The following ARHGAP19 variants were observed in gnomAD, a reference collection of about 807,000 sequenced individuals.
The protein encoded by ARHGAP19 is Rho GTPase activating protein 19, also known as rho GTPase-activating protein 19.
Under a neutral mutation model 60.9 loss-of-function variants are expected in ARHGAP19, and 48 were observed. The observed-to-expected ratio is 0.79, with a 90% confidence interval of 0.62 to 1.00. The LOEUF (loss-of-function observed/expected upper bound fraction) is 1.00, where lower values mean the gene tolerates loss of function less well. Ranked by LOEUF, ARHGAP19 falls within the 50% of genes least tolerant of loss-of-function variation. The pLI is 0.00. For missense variants in ARHGAP19, 562 were observed against 597.2 expected, an observed-to-expected ratio of 0.94 and a Z score of 0.61; for synonymous variants, 209 against 215.5, an observed-to-expected ratio of 0.97 and a Z score of 0.27.
chr10:97,249,855 G>A (rs948793613), intron 6 of ARHGAP19, among the ~76,000 whole-genome samples: 1 of 144,426 alleles, frequency 6.9e-6, no homozygotes. Context: ...CTGGAGTGCA[G>A]TGGCATAATC....
At position 97,259,474 on chromosome 10, in the gene ARHGAP19, T is replaced by C; in HGVS notation, c.768A>G (p.Lys256=). Reference sequence around the variant, plus strand: ...AGGCTGACATCTTGTTCTTGTCTTGTTTCTTTGCTGTCTGGTATAGGAGAT... The same window carrying C: ...AGGCTGACATCTTGTTCTTGTCTTGCTTCTTTGCTGTCTGGTATAGGAGAT... ...LLDLLYQTAK[K]QDKNKMSAYN... is the part of the protein sequence containing the mutation. The change falls in exon 5 of 12, where the codon AAA becomes AAG. Residue 256 remains lysine (K), a synonymous_variant. Transcript: ENST00000358531. The C allele has an allele frequency of 2.5e-6, 4 of 1,614,212 alleles. No homozygotes were observed. Among genetic ancestry groups the C allele is most frequent in the Non-Finnish European group, 3.4e-6 (4 of 1,180,042 alleles).
Position 97,259,471 on chromosome 10 carries a change from T to C in ARHGAP19, c.771A>G (p.Gln257=). The part of the protein sequence containing the change: ...LDLLYQTAKK[Q]DKNKMSAYNL... ...TATAGGCTGACATCTTGTTCTTGTCTTGTTTCTTTGCTGTCTGGTATAGGA... is the reference window on the plus strand; with the variant it reads ...TATAGGCTGACATCTTGTTCTTGTCCTGTTTCTTTGCTGTCTGGTATAGGA... Residue 257 remains glutamine, a synonymous_variant, in exon 5 of 12, where the codon CAA becomes CAG. Coordinates refer to ENST00000358531, the MANE Select transcript of ARHGAP19 (RefSeq NM_032900.6). The C allele has an allele frequency of 6.2e-7, 1 of 1,614,216 alleles. No individual in the cohort carries two copies. Among genetic ancestry groups the C allele is most frequent in the Non-Finnish European group, 8.5e-7 (1 of 1,180,044 alleles).
intron 1 of ARHGAP19, among the ~76,000 whole-genome samples, chr10:97,284,949 C>T (rs369638652): frequency 6.6e-6 from 1 of 150,428 alleles, no homozygotes; most frequent in East Asian, 1.9e-4. Flanking sequence ...CCACAACCTC[C>T]GCCTCCCAGG....
At chr10:97,252,447 C>T (rs547330272) in intron 6 of ARHGAP19, among the ~76,000 whole-genome samples, 1 of 150,670 alleles carries the variant, frequency 6.6e-6, no homozygotes, top group African/African-American at 2.5e-5. Context: ...ATGGTGAAAC[C>T]CCGTCTCTAC....
intron 1 of ARHGAP19, among the ~76,000 whole-genome samples, chr10:97,289,039 G>C (rs548056684): frequency 4.0e-5 from 6 of 150,446 alleles, no homozygotes; most frequent in African/African-American, 1.5e-4. Context: ...GGATGGTCTC[G>C]ATCTCCTGAC....
intron 2 of ARHGAP19, among the ~76,000 whole-genome samples, chr10:97,265,190 G>A (rs1178968521): frequency 6.6e-6 from 1 of 152,082 alleles, no homozygotes; most frequent in Non-Finnish European, 1.5e-5. Context: ...TATCTAGCGT[G>A]TTAGTATTTA....
chr10:97,236,686 A>G (rs891852035), intron 8 of ARHGAP19, among the ~76,000 whole-genome samples: 1 of 151,372 alleles, frequency 6.6e-6, no homozygotes, highest in Non-Finnish European at 1.5e-5. Context: ...GTACATCTGT[A>G]GTCTCAGCTA....
intron 2 of ARHGAP19, chr10:97,265,658 C>T: frequency 1.7e-6 from 1 of 588,208 alleles, no homozygotes; most frequent in Non-Finnish European, 2.8e-6. Context: ...AAAATATTTG[C>T]TTTAGTTTAA....
intron 6 of ARHGAP19, among the ~76,000 whole-genome samples, chr10:97,249,792 T>C (rs781741305): frequency 8.7e-4 from 123 of 141,174 alleles, no homozygotes; most frequent in Non-Finnish European, 1.4e-3. Context: ...AATAGTAGTG[T>C]GATTCTTTTT....
chr10:97,267,085 C>T (rs1842907818), intron 1 of ARHGAP19, among the ~76,000 whole-genome samples: 2 of 152,172 alleles, frequency 1.3e-5, no homozygotes, highest in South Asian at 4.1e-4. Flanking sequence ...TCCCTTCTGC[C>T]TATAAGCCTG....
chr10:97,287,849 G>C (rs1221507062), intron 1 of ARHGAP19, among the ~76,000 whole-genome samples: 1 of 152,084 alleles, frequency 6.6e-6, no homozygotes, highest in African/African-American at 2.4e-5. Flanking sequence ...GATCACCTGA[G>C]GTCGGGAGTT....
chr10:97,280,797 C>T lies in ARHGAP19; in HGVS notation c.56+11775G>A, dbSNP rs529144935. On this transcript the variant is annotated intron_variant, in intron 1 of 11. Transcript: ENST00000358531. ...CCAGGGTCTCACTATGTTGACCACA[C>T]TAGTCTCAAACTCCTGGCCTCAAGC... Among the ~76,000 whole-genome samples, 248 of 152,220 alleles carry T rather than the reference C, an allele frequency of 1.6e-3. 2 individuals carry two copies. The highest frequency in any genetic ancestry group is 2.9e-3 in the Non-Finnish European group (198 of 68,006).
chr10:97,248,455 AG>A (rs1181838930), intron 6 of ARHGAP19, among the ~76,000 whole-genome samples: 3 of 152,146 alleles, frequency 2.0e-5, no homozygotes, highest in African/African-American at 7.2e-5. Context: ...TAAGAAAAAA[AG>A]AAATACAAAT....
rs1369646953 is a variant in ARHGAP19 at position 97,223,093 on chromosome 10, A to T, written c.*3029T>A. On this transcript the variant is annotated 3_prime_UTR_variant, in exon 12 of 12. Transcript: ENST00000358531. The stretch of plus-strand genomic sequence containing the variant: ...GACTGCTTCCTTACAGGTCAACAGA[A>T]CAGATACCTCCGGAGCACCCAGGTG... The T allele has an allele frequency of 6.6e-6, 1 of 152,212 alleles. No homozygotes were observed. Among genetic ancestry groups the T allele is most frequent in the African/African-American group, 2.4e-5 (1 of 41,436 alleles). 9.4% of individuals were successfully genotyped at this position (152,212 alleles called of 1,614,324 possible).
chr10:97,270,371 C>A (rs139634379), intron 1 of ARHGAP19, among the ~76,000 whole-genome samples: 6 of 152,254 alleles, frequency 3.9e-5, no homozygotes, highest in African/African-American at 1.4e-4. Context: ...AGAGTTACAG[C>A]GGGTTATTTT....
intron 1 of ARHGAP19, among the ~76,000 whole-genome samples, chr10:97,273,243 ACC>A (rs1842982349): frequency 7.9e-5 from 12 of 151,384 alleles, no homozygotes; most frequent in Admixed American, 7.2e-4. Context: ...GCTCACTGCA[ACC>A]TCCACCTCCC....
At chr10:97,236,203 C>T (rs968627233) in intron 8 of ARHGAP19, among the ~76,000 whole-genome samples, 17 of 152,148 alleles carry the variant, frequency 1.1e-4, no homozygotes, top group African/African-American at 2.9e-4. Flanking sequence ...TCTCGAACTC[C>T]TGACCTCAAG....
chr10:97,287,819 T>C (rs1843175464), intron 1 of ARHGAP19, among the ~76,000 whole-genome samples: 1 of 152,196 alleles, frequency 6.6e-6, no homozygotes, highest in South Asian at 2.1e-4. Context: ...TCCCAGCACT[T>C]TGGGAGGCCA....
intron 11 of ARHGAP19, among the ~76,000 whole-genome samples, chr10:97,226,715 T>C (rs701820): frequency 0.83 from 127,004 of 152,248 alleles, 53,973 homozygotes; most frequent in Non-Finnish European, 0.92. Context: ...GATAAGACAA[T>C]ATGTGAAGTA....
Sources: gnomAD v4.1 joint callset for allele counts (sites outside exome capture counted in the v4.1 genomes callset) on GRCh38, gnomAD v4.1.1 for gene constraint, MANE v1.5 for transcripts, NCBI Gene and HGNC (gene_info 2026-07-23, HGNC 2026-07-21) for gene names.